KLHL35: variants seen among roughly 807,000 people sequenced by gnomAD.
The protein encoded by KLHL35 is kelch like family member 35, also known as kelch-like protein 35.
Under a neutral mutation model 44.0 loss-of-function variants are expected in KLHL35, and 50 were observed. The ratio of observed to expected loss-of-function variants is 1.14; its 90% confidence interval spans 0.91 to 1.44. KLHL35 has a LOEUF of 1.44. Among genes scored for constraint, KLHL35 ranks in the 40% most tolerant of loss-of-function variants. KLHL35 has a pLI of 0.00. For missense variants in KLHL35, 1,049 were observed against 887.8 expected (o/e 1.18, Z -2.31); for synonymous variants, 470 against 410.4 (o/e 1.15, Z -1.76).
At chr11:75,427,339 T>C (rs1046293148) in intron 3 of KLHL35, among the ~76,000 whole-genome samples, 5 of 152,148 alleles carry the variant, frequency 3.3e-5, no homozygotes, top group South Asian at 2.1e-4. Flanking sequence ...TCCCTTCCCA[T>C]GTCTGGCCAC....
chr11:75,426,472 CAGATCTGTACCT>C lies in KLHL35; in HGVS notation c.1185+36_1185+47del, dbSNP rs768573565. ...AGAGAACCTCCCTCCAGCACATCCA[CAGATCTGTACCT>C]TGTGTCCCAGGGCAGCCGCTGCAGC... On this transcript the variant is annotated intron_variant, in intron 4 of 6. Coordinates refer to ENST00000539798, the MANE Select transcript of KLHL35 (RefSeq NM_001039548.3). 3 of 1,326,640 alleles carry C rather than the reference CAGATCTGTACCT, an allele frequency of 2.3e-6. No homozygotes were observed. In the Admixed American group the frequency reaches 6.3e-5, roughly 28 times the overall value. The allele number at this position is 1,326,640 out of a possible 1,614,324, so 82.2% of individuals were successfully genotyped here.
At chr11:75,426,159 G>A (rs1948490493) in intron 4 of KLHL35, 1 of 165,120 alleles carries the variant, frequency 6.1e-6, no homozygotes, top group Admixed American at 5.8e-5. Context: ...GTTTCACCGT[G>A]TTAGCCAGGA....
chr11:75,429,750 T>C lies in KLHL35; in HGVS notation c.880A>G (p.Arg294Gly). 1 of 1,459,096 alleles carries C rather than the reference T, an allele frequency of 6.9e-7. No individual in the cohort carries two copies. The highest frequency in any genetic ancestry group is 2.7e-5 in the Admixed American group (1 of 37,268). The allele number at this position is 1,459,096 out of a possible 1,614,324, so 90.4% of individuals were successfully genotyped here. Residue 294 changes from arginine (R) to glycine (G), a missense_variant and splice_region_variant, in exon 2 of 7, where the codon AGA becomes GGA. Physicochemically the swap from Arg to Gly is moderately radical, Grantham distance 125. Transcript: ENST00000539798. ...GAAGCTAGGGGATGGCGGCCCTACC[T>C]CCGCGGCCGGGTCCGCAGCGCACCG... ...EAGALRTRPR[R>G]FMDLAEVIVV...
chr11:75,422,671 G>C lies in KLHL35; in HGVS notation c.1661C>G (p.Pro554Arg). Residue 554 changes from proline to arginine, a missense_variant, in exon 7 of 7, where the codon CCC (proline) becomes CGC (arginine). By Grantham distance (103) the Pro-to-Arg change is moderately radical. Transcript: ENST00000539798. ...CTGGACCTCCACCTGCCCACTGCTG[G>C]GGTCAAAGGTGAAGACCTTATCGGT... Reference protein sequence around the residue: ...ESTDKVFTFDPSSGQVEVQPS... With the variant: ...ESTDKVFTFDRSSGQVEVQPS... 1 of 1,614,010 alleles carries C rather than the reference G, an allele frequency of 6.2e-7. No individual in the cohort carries two copies. Among genetic ancestry groups the C allele is most frequent in the South Asian group, 1.1e-5 (1 of 91,088 alleles).
chr11:75,425,555 G>T lies in KLHL35; in HGVS notation c.1212C>A (p.Gly404=). 6.7e-7 allele frequency: 1 copy of T among 1,488,448 alleles called. No homozygotes were observed. 92.2% of individuals were successfully genotyped at this position (1,488,448 alleles called of 1,614,324 possible). ...GQLFAVGGFD[G]LRRLHSVERY... ...GCTCCACGCTGTGCAGGCGCCTCAG[G>T]CCGTCGAAGCCACCCACCGCGAACA... The change falls in exon 5 of 7, where the codon GGC becomes GGA. Residue 404 remains glycine, a synonymous_variant. Coordinates refer to ENST00000539798, the MANE Select transcript of KLHL35 (RefSeq NM_001039548.3).
chr11:75,422,888 T>C (rs1485545914), intron 6 of KLHL35, 120 bp from the exon 7 acceptor site: 11 of 888,854 alleles, frequency 1.2e-5, no homozygotes, highest in Middle Eastern at 2.4e-4. Flanking sequence ...ATCTGGACTG[T>C]AGAGAGGCAG....
At position 75,429,961 on chromosome 11, in the gene KLHL35, C is replaced by T; in HGVS notation, c.669G>A (p.Trp223Ter). The T allele has an allele frequency of 6.9e-7, 1 of 1,448,370 alleles. No homozygotes were observed. The highest frequency in any genetic ancestry group is 9.0e-7 in the Non-Finnish European group (1 of 1,109,782). The allele number at this position is 1,448,370 out of a possible 1,614,324, so 89.7% of individuals were successfully genotyped here. ...GGCGGGCCGGCGCGTCGTGGCGCAC[C>T]CAGCGCATGGCCGCTTCAAACACGG... The part of the protein sequence containing the change: ...EEAVFEAAMR[W>*]VRHDAPARRG... Residue 223 changes from tryptophan to a stop codon, truncating the protein, a stop_gained, in exon 2 of 7, where the codon TGG becomes TGA. Coordinates refer to ENST00000539798, the MANE Select transcript of KLHL35 (RefSeq NM_001039548.3). LOFTEE classifies it high-confidence loss of function.
At position 75,430,344 on chromosome 11, in the gene KLHL35, G is replaced by T; in HGVS notation, c.286C>A (p.Pro96Thr). The T allele has an allele frequency of 7.7e-7, 1 of 1,306,394 alleles. No individual in the cohort carries two copies. Among genetic ancestry groups the T allele is most frequent in the Non-Finnish European group, 9.7e-7 (1 of 1,026,202 alleles). 80.9% of individuals were successfully genotyped at this position (1,306,394 alleles called of 1,614,324 possible). ...PVAPEAPGTS[P>T]AGAAAALAVV... Reference sequence around the variant, plus strand: ...GCCAGCGCCGCCGCCGCCCCGGCCGGGCTCGTGCCTGGCGCCTCGGGAGCT... The same window carrying T: ...GCCAGCGCCGCCGCCGCCCCGGCCGTGCTCGTGCCTGGCGCCTCGGGAGCT... Residue 96 changes from proline to threonine, a missense_variant, in exon 2 of 7, where the codon CCG becomes ACG. Physicochemically the swap from Pro to Thr is conservative, Grantham distance 38 (BLOSUM62 -1). Transcript: ENST00000539798.
intron 1 of KLHL35, among the ~76,000 whole-genome samples, chr11:75,432,293 G>A (rs1370721507): frequency 6.6e-6 from 1 of 152,126 alleles, no homozygotes; most frequent in Non-Finnish European, 1.5e-5. Flanking sequence ...CCAGGGCAGC[G>A]GATCCCCTGG....
rs750330532 is a variant in KLHL35 at position 75,428,637 on chromosome 11, G to T, written c.882-11C>A. The T allele has an allele frequency of 1.3e-6, 2 of 1,568,184 alleles. No homozygotes were observed. Among genetic ancestry groups the T allele is most frequent in the Admixed American group, 1.8e-5 (1 of 56,840 alleles). ...GCTAGGTCCATGAATCTGGCGTGCG[G>T]ATAAGCCCAGTGCCTGTTGGGCCGC... On this transcript the variant is annotated splice_polypyrimidine_tract_variant and intron_variant, in intron 2 of 6. Transcript: ENST00000539798.
chr11:75,425,309 G>A lies in KLHL35; in HGVS notation c.1374+84C>T, dbSNP rs576715342. 93 of 1,364,784 alleles carry A rather than the reference G, an allele frequency of 6.8e-5. 1 individual carries two copies. The South Asian group carries it at 1.2e-3, about 18-fold the overall frequency. 84.5% of individuals were successfully genotyped at this position (1,364,784 alleles called of 1,614,324 possible). ...GGATTAAGTGAATAAATGGACAAGG[G>A]CATGGAAACGCCCAATTCTGCGCCT... On this transcript the variant is annotated intron_variant, in intron 5 of 6. Coordinates refer to ENST00000539798, the MANE Select transcript of KLHL35 (RefSeq NM_001039548.3).
intron 1 of KLHL35, among the ~76,000 whole-genome samples, chr11:75,432,772 G>A (rs541468948): frequency 4.6e-4 from 70 of 152,310 alleles, no homozygotes; most frequent in African/African-American, 1.7e-3. Context: ...TTGGAACACA[G>A]AAGGTAAAAA....
chr11:75,426,714 G>T, intron 3 of KLHL35, 76 bp from the exon 4 acceptor site: 1 of 990,884 alleles, frequency 1.0e-6, no homozygotes, highest in Non-Finnish European at 1.5e-6. Context: ...AGAAACTAGG[G>T]CCCCCAGATC....
chr11:75,432,120 T>G (rs1341234392), intron 1 of KLHL35, among the ~76,000 whole-genome samples: 1 of 152,032 alleles, frequency 6.6e-6, no homozygotes, highest in East Asian at 1.9e-4. Flanking sequence ...CTTGCACACC[T>G]CCAGGGACAG....
rs1375602992 is a variant in KLHL35, at chr11:75,423,801, A to G, written c.1454T>C (p.Val485Ala). The change falls in exon 6 of 7, where the codon GTC becomes GCC. Residue 485 changes from valine (V) to alanine (A), a missense_variant. Val to Ala is a moderately conservative substitution (Grantham distance 64). Transcript: ENST00000539798. The part of the protein sequence containing the change: ...APFSQRCLEA[V>A]SLEDTIYVMG... ...GACATAGATGGTGTCCTCAAGGGAG[A>G]CAGCCTCGAGACACCGCTGTGAGAA... is the stretch of plus-strand genomic sequence containing the variant. 1.2e-6 allele frequency: 2 copies of G among 1,613,622 alleles called. No homozygotes were observed. Among genetic ancestry groups the G allele is most frequent in the African/African-American group, 1.3e-5 (1 of 74,972 alleles).
chr11:75,432,897 C>T (rs541086526), intron 1 of KLHL35, among the ~76,000 whole-genome samples, 146 bp downstream of exon 1: 3 of 152,170 alleles, frequency 2.0e-5, no homozygotes, highest in African/African-American at 7.2e-5. Context: ...CTCGAACATG[C>T]CACCATCACT....
Position 75,430,254 on chromosome 11 carries a change from C to A in KLHL35, c.376G>T (p.Val126Leu). The A allele has an allele frequency of 8.3e-7, 1 of 1,208,990 alleles. No individual in the cohort carries two copies. The highest frequency in any genetic ancestry group is 1.0e-6 in the Non-Finnish European group (1 of 973,176). 74.9% of individuals were successfully genotyped at this position (1,208,990 alleles called of 1,614,324 possible). ...RLRAEDEAAA[V>L]LALAERLGVA... The stretch of plus-strand genomic sequence containing the variant: ...CCCAGCCGCTCCGCCAGCGCCAGCA[C>A]GGCCGCCGCCTCGTCCTCCGCGCGC... Residue 126 changes from valine (V) to leucine (L), a missense_variant, in exon 2 of 7, where the codon GTG becomes TTG. Coordinates refer to ENST00000539798, the MANE Select transcript of KLHL35 (RefSeq NM_001039548.3).
chr11:75,428,695 C>A lies in KLHL35; in HGVS notation c.882-69G>T. On this transcript the variant is annotated intron_variant, in intron 2 of 6. Coordinates refer to ENST00000539798, the MANE Select transcript of KLHL35 (RefSeq NM_001039548.3). ...TTCGGCCCTCTCTTACCCTCTCGAC[C>A]ACACTGCACGGTCCCGCTGCCCTTT... 3.7e-6 allele frequency: 5 copies of A among 1,350,022 alleles called. No individual in the cohort carries two copies. The South Asian group carries it at 7.0e-5, about 19-fold the overall frequency. The allele number at this position is 1,350,022 out of a possible 1,614,324, so 83.6% of individuals were successfully genotyped here.
rs186902058 is a variant in KLHL35 at position 75,422,659 on chromosome 11, T to C, written c.1673A>G (p.Gln558Arg). Residue 558 changes from glutamine (Q) to arginine (R), a missense_variant, in exon 7 of 7, where the codon CAG (glutamine) becomes CGG (arginine). Gln to Arg is a conservative substitution (Grantham distance 43). Coordinates refer to ENST00000539798, the MANE Select transcript of KLHL35 (RefSeq NM_001039548.3). ...KVFTFDPSSG[Q>R]VEVQPSLQRC... ...CTGCAGGGATGGCTGGACCTCCACC[T>C]GCCCACTGCTGGGGTCAAAGGTGAA... is the stretch of plus-strand genomic sequence containing the variant. 8.2e-4 allele frequency: 1,327 copies of C among 1,614,034 alleles called. No individual in the cohort carries two copies. The highest frequency in any genetic ancestry group is 9.2e-4 in the Non-Finnish European group (1,086 of 1,179,886).
Sources: gnomAD v4.1 joint callset for allele counts (sites outside exome capture counted in the v4.1 genomes callset) on GRCh38, gnomAD v4.1.1 for gene constraint, MANE v1.5 for transcripts, NCBI Gene and HGNC (gene_info 2026-07-23, HGNC 2026-07-21) for gene names.